Variants in ST6GALNAC3 observed in about 807,000 individuals in gnomAD.
The protein encoded by ST6GALNAC3 is alpha-N-acetylgalactosaminide alpha-2,6-sialyltransferase 3.
ST6GALNAC3 carries 25 observed loss-of-function variants against 32.7 expected under a neutral mutation model. That is an observed-to-expected ratio of 0.76 (90% confidence interval 0.56 to 1.07). ST6GALNAC3 has a LOEUF of 1.07. Ranked by LOEUF, ST6GALNAC3 falls within the 50% of genes least tolerant of loss-of-function variation. The probability of loss-of-function intolerance (pLI) is 0.00; values close to 1 mark genes in which losing one functional copy is unlikely to be tolerated. For missense variants in ST6GALNAC3, 355 were observed against 382.4 expected, an observed-to-expected ratio of 0.93 and a Z score of 0.60; for synonymous variants, 129 against 133.1, an observed-to-expected ratio of 0.97 and a Z score of 0.21.
At chr1:76,503,893 T>C (rs1040050543) in intron 3 of ST6GALNAC3, among the ~76,000 whole-genome samples, 1 of 152,158 alleles carries the variant, frequency 6.6e-6, no homozygotes, top group African/African-American at 2.4e-5. Context: ...CCCTATCCAT[T>C]CTAATGCATT....
intron 3 of ST6GALNAC3, among the ~76,000 whole-genome samples, chr1:76,418,711 T>G (rs1410179631): frequency 6.6e-6 from 1 of 151,966 alleles, no homozygotes; most frequent in Non-Finnish European, 1.5e-5. Context: ...AATATCCCCA[T>G]CCCAGCTGGT....
chr1:76,239,615 G>A (rs1656853809), intron 1 of ST6GALNAC3, among the ~76,000 whole-genome samples: 1 of 152,116 alleles, frequency 6.6e-6, no homozygotes, highest in South Asian at 2.1e-4. Flanking sequence ...AAACAGAGCA[G>A]GAACTCACTC....
At chr1:76,409,873 A>T (rs1319155036) in intron 2 of ST6GALNAC3, among the ~76,000 whole-genome samples, 1 of 152,082 alleles carries the variant, frequency 6.6e-6, no homozygotes, top group Non-Finnish European at 1.5e-5. Context: ...ATATTACTTT[A>T]CTAATTAGGG....
intron 3 of ST6GALNAC3, among the ~76,000 whole-genome samples, chr1:76,573,808 G>A (rs1646753093): frequency 6.6e-6 from 1 of 151,808 alleles, no homozygotes; most frequent in Admixed American, 6.6e-5. Flanking sequence ...TTATCCTCTG[G>A]CCTTGTACTT....
chr1:76,260,973 TACACACACAC>T (rs59946768), intron 1 of ST6GALNAC3, among the ~76,000 whole-genome samples: 14 of 146,280 alleles, frequency 9.6e-5, no homozygotes, highest in Non-Finnish European at 1.4e-4. Flanking sequence ...GAGGTTTTGA[TACACACACAC>T]ACACACACAC....
intron 3 of ST6GALNAC3, among the ~76,000 whole-genome samples, chr1:76,489,385 T>C (rs1450678008): frequency 6.6e-6 from 1 of 152,128 alleles, no homozygotes; most frequent in Non-Finnish European, 1.5e-5. Context: ...ATTATGTTGT[T>C]GTTGACCATT....
At chr1:76,284,247 C>G (rs1488685381) in intron 1 of ST6GALNAC3, among the ~76,000 whole-genome samples, 1 of 151,962 alleles carries the variant, frequency 6.6e-6, no homozygotes, top group Non-Finnish European at 1.5e-5. Context: ...AATCCACTAG[C>G]AAATAAAAGA....
At chr1:76,334,750 A>G (rs1174256066) in intron 2 of ST6GALNAC3, among the ~76,000 whole-genome samples, 1 of 152,212 alleles carries the variant, frequency 6.6e-6, no homozygotes, top group Non-Finnish European at 1.5e-5. Flanking sequence ...TAGAAAAGCA[A>G]TTTTTAAATT....
chr1:76,511,067 T>C (rs1272859885), intron 3 of ST6GALNAC3, among the ~76,000 whole-genome samples: 1 of 152,040 alleles, frequency 6.6e-6, no homozygotes, highest in East Asian at 1.9e-4. Context: ...CTCAAACACA[T>C]CTCTATTTTC....
Position 76,156,625 on chromosome 1 carries a change from T to C in ST6GALNAC3, c.18+81741T>C, listed in dbSNP as rs60600250. Reference sequence around the variant, plus strand: ...ACCCCCATCATTGCGGGTTTTTGTTTTTGAGGTGTTTCTTTCTTGCTTTCT... The same window carrying C: ...ACCCCCATCATTGCGGGTTTTTGTTCTTGAGGTGTTTCTTTCTTGCTTTCT... On this transcript the variant is annotated intron_variant, in intron 1 of 4. Transcript: ENST00000328299. 4.1e-3 allele frequency among the ~76,000 whole-genome samples: 627 copies of C among 152,282 alleles called. 5 individuals are homozygous for C. Among genetic ancestry groups the C allele is most frequent in the African/African-American group, 0.015 (611 of 41,560 alleles).
chr1:76,259,226 C>A (rs1197873572), intron 1 of ST6GALNAC3, among the ~76,000 whole-genome samples: 1 of 152,008 alleles, frequency 6.6e-6, no homozygotes, highest in South Asian at 2.1e-4. Context: ...TACAAAAAAT[C>A]AAAAGGAGCT....
intron 1 of ST6GALNAC3, among the ~76,000 whole-genome samples, chr1:76,148,353 G>A (rs530250061): frequency 2.6e-5 from 4 of 152,124 alleles, no homozygotes; most frequent in African/African-American, 4.8e-5. Flanking sequence ...AATGTTCTAC[G>A]AATTCAGATA....
intron 3 of ST6GALNAC3, among the ~76,000 whole-genome samples, chr1:76,486,319 T>C (rs1252131495): frequency 8.0e-5 from 12 of 149,156 alleles, no homozygotes; most frequent in Admixed American, 6.0e-4. Context: ...ATGTTGACAG[T>C]GGGGTGTTAA....
At chr1:76,215,671 G>T (rs1047247835) in intron 1 of ST6GALNAC3, among the ~76,000 whole-genome samples, 2 of 152,180 alleles carry the variant, frequency 1.3e-5, no homozygotes, top group African/African-American at 2.4e-5. Flanking sequence ...GGAAGAGTGT[G>T]GGGACAGTGA....
intron 1 of ST6GALNAC3, among the ~76,000 whole-genome samples, chr1:76,237,714 C>T (rs965976252): frequency 2.0e-5 from 3 of 152,034 alleles, no homozygotes; most frequent in Admixed American, 2.0e-4. Flanking sequence ...AATACCCAGT[C>T]CCTCACCAGG....
chr1:76,447,945 G>A (rs1428629641), intron 3 of ST6GALNAC3, among the ~76,000 whole-genome samples: 1 of 152,104 alleles, frequency 6.6e-6, no homozygotes, highest in Admixed American at 6.5e-5. Context: ...TCCTTACTGG[G>A]GCATCACCTA....
intron 1 of ST6GALNAC3, among the ~76,000 whole-genome samples, chr1:76,302,402 G>T (rs987257762): frequency 1.3e-5 from 2 of 152,024 alleles, no homozygotes; most frequent in East Asian, 3.9e-4. Flanking sequence ...TTCTCTTCTT[G>T]CTGTGCCTTT....
At chr1:76,414,603 T>C (rs1200948433) in intron 3 of ST6GALNAC3, among the ~76,000 whole-genome samples, 1 of 152,114 alleles carries the variant, frequency 6.6e-6, no homozygotes, top group Non-Finnish European at 1.5e-5. Context: ...AATGTCAAAC[T>C]TATAGAGACA....
At chr1:76,179,902 AT>A (rs1274256957) in intron 1 of ST6GALNAC3, among the ~76,000 whole-genome samples, 1 of 152,070 alleles carries the variant, frequency 6.6e-6, no homozygotes, top group East Asian at 1.9e-4. Flanking sequence ...AGTCTGACCA[AT>A]TTTGCCTTAT....
Sources: gnomAD v4.1 joint callset for allele counts (sites outside exome capture counted in the v4.1 genomes callset) on GRCh38, gnomAD v4.1.1 for gene constraint, MANE v1.5 for transcripts, NCBI Gene and HGNC (gene_info 2026-07-23, HGNC 2026-07-21) for gene names.